CFAP61: variants seen among roughly 807,000 people sequenced by gnomAD.
CFAP61 encodes cilia- and flagella-associated protein 61.
Under a neutral mutation model 135.6 loss-of-function variants are expected in CFAP61, and 107 were observed. The ratio of observed to expected loss-of-function variants is 0.79; its 90% confidence interval spans 0.67 to 0.93. The LOEUF (loss-of-function observed/expected upper bound fraction) is 0.93. Ranked by LOEUF, CFAP61 falls within the 40% of genes least tolerant of loss-of-function variation. The pLI, the probability that CFAP61 is intolerant of heterozygous loss-of-function variation, is 0.00. For synonymous variants in CFAP61, 575 were observed against 578.5 expected, an observed-to-expected ratio of 0.99 and a Z score of 0.09; for missense variants, 1,507 against 1,556.2, an observed-to-expected ratio of 0.97 and a Z score of 0.53.
At chr20:20,129,265 A>G (rs1317803560) in intron 8 of CFAP61, among the ~76,000 whole-genome samples, 1 of 151,730 alleles carries the variant, frequency 6.6e-6, no homozygotes, top group Admixed American at 6.6e-5. Context: ...TTTGTCGTGA[A>G]TTCTCTCAAG....
At chr20:20,142,754 T>C in intron 8 of CFAP61, 103 bp from the exon 9 acceptor site, 3 of 689,188 alleles carry the variant, frequency 4.4e-6, no homozygotes, top group Non-Finnish European at 7.7e-6. Flanking sequence ...ATTCTTTAGA[T>C]CCATTGTAGT....
At chr20:20,098,621 A>T in intron 7 of CFAP61, 34 bp from the exon 8 acceptor site, 1 of 1,527,316 alleles carries the variant, frequency 6.5e-7, no homozygotes, top group Non-Finnish European at 8.7e-7. Context: ...AAAAAAAAAA[A>T]AAAAAGAATA....
intron 22 of CFAP61, among the ~76,000 whole-genome samples, chr20:20,286,601 A>G (rs1266916187): frequency 1.3e-5 from 2 of 152,246 alleles, no homozygotes; most frequent in Non-Finnish European, 2.9e-5. Context: ...GTGGCCAGCC[A>G]TTACCTCTTC....
chr20:20,104,618 G>A (rs541899290), intron 8 of CFAP61, among the ~76,000 whole-genome samples: 2 of 152,094 alleles, frequency 1.3e-5, no homozygotes, highest in East Asian at 3.9e-4. Context: ...TACAGATCTC[G>A]GAACCTTGTT....
At chr20:20,071,616 G>A (rs1168338886) in intron 3 of CFAP61, among the ~76,000 whole-genome samples, 1 of 152,186 alleles carries the variant, frequency 6.6e-6, no homozygotes, top group African/African-American at 2.4e-5. Context: ...AGTGCCAGAG[G>A]CTACAACTCT....
At chr20:20,119,337 A>G (rs1600757800) in intron 8 of CFAP61, among the ~76,000 whole-genome samples, 1 of 151,952 alleles carries the variant, frequency 6.6e-6, no homozygotes, top group Non-Finnish European at 1.5e-5. Context: ...TTGTTGTTCA[A>G]TCTTGGTAGG....
chr20:20,228,233 C>T lies in CFAP61; in HGVS notation c.1933-16C>T, dbSNP rs201345594. The T allele has an allele frequency of 4.8e-5, 76 of 1,589,350 alleles. 2 individuals are homozygous for T. Among genetic ancestry groups the T allele is most frequent in the Middle Eastern group, 3.4e-4 (2 of 5,924 alleles). The stretch of plus-strand genomic sequence containing the variant: ...TTTTCTTTGACTCCTTCTTTGTCTT[C>T]GTATTTTTTTTCCAGATGAGTTATG... On this transcript the variant is annotated splice_polypyrimidine_tract_variant and intron_variant, in intron 17 of 26. Coordinates refer to ENST00000245957, the MANE Select transcript of CFAP61 (RefSeq NM_015585.4).
intron 8 of CFAP61, among the ~76,000 whole-genome samples, chr20:20,101,547 T>C (rs1461564981): frequency 6.6e-6 from 1 of 152,218 alleles, no homozygotes; most frequent in Non-Finnish European, 1.5e-5. Flanking sequence ...TGGATGGTTT[T>C]GACAGAAAAC....
In CFAP61 at chr20:20,262,991, C is replaced by G. The variant is rs2052391866; in HGVS notation, c.2364C>G (p.His788Gln). Residue 788 changes from histidine (H) to glutamine (Q), a missense_variant, in exon 21 of 27, where the codon CAC (histidine) becomes CAG (glutamine). By Grantham distance (24) the His-to-Gln change is conservative (BLOSUM62 0). Transcript: ENST00000245957. ...CTACAGAGGCTGATATTAGTCAACA[C>G]CTGACAAACAGGGAGGTTCCCAACA... Reference protein sequence around the residue: ...PCPTEADISQHLTNREVPNSS... With the variant: ...PCPTEADISQQLTNREVPNSS... 8.1e-6 allele frequency: 13 copies of G among 1,613,588 alleles called. No individual in the cohort carries two copies. The highest frequency in any genetic ancestry group is 1.0e-5 in the Non-Finnish European group (12 of 1,179,834).
At chr20:20,074,115 C>T (rs6112745) in intron 3 of CFAP61, among the ~76,000 whole-genome samples, 187 bp from the exon 4 acceptor site, 110,376 of 152,044 alleles carry the variant, frequency 0.73, 40,246 homozygotes, top group East Asian at 0.92. Flanking sequence ...GGACAGAAGG[C>T]GGCAAACGGA....
rs538062610 is a variant in CFAP61 at position 20,092,672 on chromosome 20, G to A, written c.699+1696G>A. ...CACATAAAATGTGGGCAAATGATTCGAATAGACACTTTTAAAAAAAATGAA... is the reference window on the plus strand; with the variant it reads ...CACATAAAATGTGGGCAAATGATTCAAATAGACACTTTTAAAAAAAATGAA... On this transcript the variant is annotated intron_variant, in intron 7 of 26. Transcript: ENST00000245957. Among the ~76,000 whole-genome samples, 13 of 126,536 alleles carry A rather than the reference G, an allele frequency of 1.0e-4. No homozygotes were observed. In the East Asian group the frequency reaches 2.6e-3, roughly 26 times the overall value. The allele number at this position is 126,536 out of a possible 152,430, so 83.0% of individuals were successfully genotyped here.
chr20:20,139,457 T>G (rs1177325732), intron 8 of CFAP61, among the ~76,000 whole-genome samples: 1 of 152,254 alleles, frequency 6.6e-6, no homozygotes, highest in African/African-American at 2.4e-5. Context: ...TCTAAACTAC[T>G]TAGATGGTAT....
chr20:20,156,639 A>G (rs150340222), intron 9 of CFAP61, among the ~76,000 whole-genome samples: 1 of 152,204 alleles, frequency 6.6e-6, no homozygotes, highest in Admixed American at 6.5e-5. Flanking sequence ...AAAAAATCTG[A>G]TGGAATCTAC....
chr20:20,279,634 C>T (rs957610720), intron 22 of CFAP61, among the ~76,000 whole-genome samples: 1 of 152,186 alleles, frequency 6.6e-6, no homozygotes, highest in Non-Finnish European at 1.5e-5. Flanking sequence ...GCATAAGTGA[C>T]ACACAGTTCA....
rs113303647 is a variant in CFAP61, at chr20:20,098,655, G to A, written c.700G>A (p.Val234Met). The A allele has an allele frequency of 7.0e-6, 11 of 1,569,014 alleles. No homozygotes were observed. Among genetic ancestry groups the A allele is most frequent in the Admixed American group, 2.0e-5 (1 of 51,184 alleles). The change falls in exon 8 of 27, where the codon GTG becomes ATG. Residue 234 changes from valine (V) to methionine (M), a missense_variant and splice_region_variant. By Grantham distance (21) the Val-to-Met change is conservative. Coordinates refer to ENST00000245957, the MANE Select transcript of CFAP61 (RefSeq NM_015585.4). Reference protein sequence around the residue: ...DEENHAVVCEVEGTAVGFMSV... With the variant: ...DEENHAVVCEMEGTAVGFMSV... ...TAATGAGGTGTTTTGGATATTTCAGGTGGAAGGCACAGCTGTTGGGTTCAT... is the reference window on the plus strand; with the variant it reads ...TAATGAGGTGTTTTGGATATTTCAGATGGAAGGCACAGCTGTTGGGTTCAT...
intron 21 of CFAP61, among the ~76,000 whole-genome samples, chr20:20,276,315 A>G (rs2053758630): frequency 1.3e-5 from 2 of 152,170 alleles, no homozygotes; most frequent in Admixed American, 1.3e-4. Context: ...AAATTGGTAT[A>G]TCTTACCTGG....
In CFAP61 at chr20:20,196,765, A is replaced by G; in HGVS notation, c.1786A>G (p.Arg596Gly). The G allele has an allele frequency of 6.2e-7, 1 of 1,614,006 alleles. No homozygotes were observed. The highest frequency in any genetic ancestry group is 8.5e-7 in the Non-Finnish European group (1 of 1,179,840). The stretch of plus-strand genomic sequence containing the variant: ...CTACTACCGTGTTTACCCAAAATCC[A>G]GAGAAGGCAAGGTAAGAGAATGGTG... ...CLYYRVYPKS[R>G]EGKFQNPYAH... The change falls in exon 16 of 27, where the codon AGA becomes GGA. Residue 596 changes from arginine to glycine, a missense_variant. Transcript: ENST00000245957.
chr20:20,209,699 C>T (rs1182910728), intron 17 of CFAP61, among the ~76,000 whole-genome samples: 1 of 152,132 alleles, frequency 6.6e-6, no homozygotes, highest in African/African-American at 2.4e-5. Flanking sequence ...TTAATGTTTA[C>T]ATTGAGTCCA....
intron 2 of CFAP61, among the ~76,000 whole-genome samples, chr20:20,068,247 T>C (rs968070233): frequency 1.3e-5 from 2 of 152,210 alleles, no homozygotes; most frequent in African/African-American, 4.8e-5. Context: ...AGAGCTGACA[T>C]GTACAGCGTC....
Sources: gnomAD v4.1 joint callset for allele counts (sites outside exome capture counted in the v4.1 genomes callset) on GRCh38, gnomAD v4.1.1 for gene constraint, MANE v1.5 for transcripts, NCBI Gene and HGNC (gene_info 2026-07-23, HGNC 2026-07-21) for gene names.